MTA2: variants seen among roughly 807,000 people sequenced by gnomAD.
The protein encoded by MTA2 is metastasis associated 1 family member 2.
In MTA2, 22 loss-of-function variants were observed where a neutral mutation model predicts 87.1. The ratio of observed to expected loss-of-function variants is 0.25; its 90% confidence interval spans 0.18 to 0.36. MTA2 has a LOEUF of 0.36. Ranked by LOEUF, MTA2 falls within the 10% of genes least tolerant of loss-of-function variation. The probability of loss-of-function intolerance (pLI) is 1.00; values close to 1 mark genes in which losing one functional copy is unlikely to be tolerated. For missense variants in MTA2, 542 were observed against 853.2 expected (o/e 0.64, Z 4.54); for synonymous variants, 314 against 310.1 (o/e 1.01, Z -0.13).
At position 62,598,069 on chromosome 11, in the gene MTA2, C is replaced by A; in HGVS notation, c.445G>T (p.Val149Phe). 1.2e-6 allele frequency: 2 copies of A among 1,614,110 alleles called. No homozygotes were observed. Among genetic ancestry groups the A allele is most frequent in the Non-Finnish European group, 1.7e-6 (2 of 1,180,034 alleles). Residue 149 changes from valine to phenylalanine, a missense_variant, in exon 6 of 18, where the codon GTT becomes TTT. Physicochemically the swap from Val to Phe is conservative, Grantham distance 50. Around this residue, in one of 6 missense-constraint regions of MTA2, gnomAD observed 150 missense variants for 243.9 expected, o/e 0.62. Coordinates refer to ENST00000278823, the MANE Select transcript of MTA2 (RefSeq NM_004739.4). ...ATCTCAGCTTGGTATTTGCAACCAA[C>A]TCTAATCTCGCCCTGATCAGCGAGA... is the stretch of plus-strand genomic sequence containing the variant. ...TLLADQGEIR[V>F]GCKYQAEIPD... is the part of the protein sequence containing the mutation.
intron 8 of MTA2, 150 bp from the exon 9 acceptor site, chr11:62,596,975 G>A (rs1942107021): frequency 5.5e-6 from 4 of 733,412 alleles, no homozygotes; most frequent in African/African-American, 3.6e-5. Context: ...AGATCACGAG[G>A]TCAGGAGATC....
chr11:62,593,800 G>T lies in MTA2; in HGVS notation c.*75C>A. On this transcript the variant is annotated 3_prime_UTR_variant, in exon 18 of 18. Transcript: ENST00000278823. ...ATTCACTCCTCACTCCCTTCGACACGAAAGGGAAGGGAGGTTTGGGTGCCC... is the reference window on the plus strand; with the variant it reads ...ATTCACTCCTCACTCCCTTCGACACTAAAGGGAAGGGAGGTTTGGGTGCCC... The T allele has an allele frequency of 6.4e-7, 1 of 1,564,558 alleles. No individual in the cohort carries two copies. Among genetic ancestry groups the T allele is most frequent in the Non-Finnish European group, 8.8e-7 (1 of 1,141,620 alleles).
Position 62,598,506 on chromosome 11 carries a change from C to T in MTA2, c.308+16G>A, listed in dbSNP as rs1439276708. 6.2e-7 allele frequency: 1 copy of T among 1,612,684 alleles called. No homozygotes were observed. Among genetic ancestry groups the T allele is most frequent in the Non-Finnish European group, 8.5e-7 (1 of 1,178,754 alleles). The stretch of plus-strand genomic sequence containing the variant: ...GTAAGTGCACGCAGGCTATGCTGGC[C>T]CCAGTTGTCCTGTACCGTATGTGGG... On this transcript the variant is annotated intron_variant, in intron 4 of 17. Transcript: ENST00000278823.
chr11:62,600,710 G>A (rs1398851172), intron 1 of MTA2, 21 bp from the exon 2 acceptor site: 1 of 1,608,054 alleles, frequency 6.2e-7, no homozygotes, highest in Non-Finnish European at 8.5e-7. Context: ...AGGGAGGGGG[G>A]AGAACCACGA....
In MTA2 at chr11:62,601,210, G is replaced by A. The variant is rs1024562192; in HGVS notation, c.28+213C>T. On this transcript the variant is annotated intron_variant, in intron 1 of 17. Coordinates refer to ENST00000278823, the MANE Select transcript of MTA2 (RefSeq NM_004739.4). ...GACGCAGCCCCGAAAGTGCCGTCGG[G>A]GCTGCCCGCAGCTTCTCTCTGGGAG... The A allele has an allele frequency of 7.1e-5, 43 of 602,504 alleles. 1 individual carries two copies. Among genetic ancestry groups the A allele is most frequent in the South Asian group, 4.1e-4 (19 of 46,866 alleles). The allele number at this position is 602,504 out of a possible 1,614,324, so 37.3% of individuals were successfully genotyped here. A position where few individuals can be genotyped will look rare whatever the true frequency, so the allele number is the denominator to read the frequency against.
Position 62,595,557 on chromosome 11 carries a change from A to AT in MTA2, c.1255-66dup. The stretch of plus-strand genomic sequence containing the variant: ...GCACTGAGGCTCCCTTCTTTCTTCC[A>AT]TTCCCTGCAGGGGACAATTTATTCC... On this transcript the variant is annotated intron_variant, in intron 13 of 17. Transcript: ENST00000278823. This position sits in a 1 kb window ranked among gnomAD's most constrained non-coding sequence, Gnocchi z 4.9. 1 of 1,581,054 alleles carries AT rather than the reference A, an allele frequency of 6.3e-7. No individual in the cohort carries two copies. The highest frequency in any genetic ancestry group is 8.7e-7 in the Non-Finnish European group (1 of 1,154,644).
At position 62,595,585 on chromosome 11, in the gene MTA2, T is replaced by C. The variant is rs2134323445; in HGVS notation, c.1255-93A>G. The C allele has an allele frequency of 2.6e-6, 4 of 1,530,284 alleles. No individual in the cohort carries two copies. Among genetic ancestry groups the C allele is most frequent in the Non-Finnish European group, 3.6e-6 (4 of 1,120,070 alleles). 94.8% of individuals were successfully genotyped at this position (1,530,284 alleles called of 1,614,324 possible). A position where few individuals can be genotyped will look rare whatever the true frequency, so the allele number is the denominator to read the frequency against. On this transcript the variant is annotated intron_variant, in intron 13 of 17. Coordinates refer to ENST00000278823, the MANE Select transcript of MTA2 (RefSeq NM_004739.4). The surrounding 1 kb of genome is among the most constrained non-coding windows in gnomAD (Gnocchi z 4.9). ...CCCTGCAGGGGACAATTTATTCCTG[T>C]CTAATCTCTTTACTGACCTCTTGGC...
In MTA2 at chr11:62,593,927, G is replaced by C. The variant is rs771536567; in HGVS notation, c.1955C>G (p.Pro652Arg). ...LIAVRPPVPL[P>R]APSHPASTNE... ...GGTGCTGGCAGGATGTGAGGGTGCA[G>C]GTAGAGGGACAGGGGGCCGCACTGC... Residue 652 changes from proline (P) to arginine (R), a missense_variant, in exon 18 of 18, where the codon CCT becomes CGT. By Grantham distance (103) the Pro-to-Arg change is moderately radical (BLOSUM62 -2). Transcript: ENST00000278823. 6.2e-7 allele frequency: 1 copy of C among 1,614,232 alleles called. No homozygotes were observed. The highest frequency in any genetic ancestry group is 8.5e-7 in the Non-Finnish European group (1 of 1,180,042).
chr11:62,601,846 T>G lies in MTA2; in HGVS notation c.-396A>C. 1 of 493,226 alleles carries G rather than the reference T, an allele frequency of 2.0e-6. No individual in the cohort carries two copies. The highest frequency in any genetic ancestry group is 3.5e-6 in the Non-Finnish European group (1 of 282,634). The allele number at this position is 493,226 out of a possible 1,614,324, so 30.6% of individuals were successfully genotyped here. On this transcript the variant is annotated 5_prime_UTR_variant, in exon 1 of 18. Coordinates refer to ENST00000278823, the MANE Select transcript of MTA2 (RefSeq NM_004739.4). ...CTCCTTCCGGAACACCTTCGGCCGA[T>G]CCGGAGAACAAGGCCCACTGCTCGG...
chr11:62,595,244 C>G lies in MTA2; in HGVS notation c.1483+20G>C. ...AGCAATCCGAAACCCACCACCAGTC[C>G]CACCACTCCCTGCCCTTACACTCTG... On this transcript the variant is annotated intron_variant, in intron 14 of 17. Transcript: ENST00000278823. The surrounding 1 kb of genome is among the most constrained non-coding windows in gnomAD (Gnocchi z 4.9). 6.2e-7 allele frequency: 1 copy of G among 1,609,620 alleles called. No homozygotes were observed. The highest frequency in any genetic ancestry group is 8.5e-7 in the Non-Finnish European group (1 of 1,176,182).
At chr11:62,600,455 T>C in intron 2 of MTA2, 167 bp downstream of exon 2, 7 of 805,118 alleles carry the variant, frequency 8.7e-6, no homozygotes, top group Non-Finnish European at 1.4e-5. Flanking sequence ...AGAGACAGAA[T>C]AGTAAAGTTC....
chr11:62,597,529 A>T, intron 7 of MTA2, 81 bp downstream of exon 7: 1 of 1,502,832 alleles, frequency 6.7e-7, no homozygotes, highest in Non-Finnish European at 9.2e-7. Context: ...AAAGAAATAA[A>T]GTCCATCTCT....
At position 62,598,486 on chromosome 11, in the gene MTA2, T is replaced by C. The variant is rs765618032; in HGVS notation, c.308+36A>G. Reference sequence around the variant, plus strand: ...TCCTTCTCTCCATCTTCTACGTAAGTGCACGCAGGCTATGCTGGCCCCAGT... The same window carrying C: ...TCCTTCTCTCCATCTTCTACGTAAGCGCACGCAGGCTATGCTGGCCCCAGT... On this transcript the variant is annotated intron_variant, in intron 4 of 17. Coordinates refer to ENST00000278823, the MANE Select transcript of MTA2 (RefSeq NM_004739.4). 3.7e-6 allele frequency: 6 copies of C among 1,608,574 alleles called. No homozygotes were observed. In the Admixed American group the frequency reaches 6.7e-5, roughly 18 times the overall value.
In MTA2 at chr11:62,596,547, G is replaced by A; in HGVS notation, c.883-15C>T. 1.9e-6 allele frequency: 3 copies of A among 1,613,972 alleles called. No homozygotes were observed. In the South Asian group the frequency reaches 3.3e-5, roughly 18 times the overall value. On this transcript the variant is annotated splice_polypyrimidine_tract_variant and intron_variant, in intron 9 of 17. Coordinates refer to ENST00000278823, the MANE Select transcript of MTA2 (RefSeq NM_004739.4). ...TTCCAGGGTAGCTAAGGGGGGCAGA[G>A]GGAGGAAGAATGAGCTGGCATCTGG...
chr11:62,598,578 C>T lies in MTA2; in HGVS notation c.252G>A (p.Lys84=). The T allele has an allele frequency of 1.2e-6, 2 of 1,614,174 alleles. No individual in the cohort carries two copies. Among genetic ancestry groups the T allele is most frequent in the Non-Finnish European group, 8.5e-7 (1 of 1,180,038 alleles). The part of the protein sequence containing the change: ...GVSEQQRHQL[K]HRELFLSRQF... ...GCCGAGAAAGAAAAAGTTCCCGGTG[C>T]TTCAGTTGATGGCGCTGCTGCTCAG... The change falls in exon 4 of 18, where the codon AAG becomes AAA. Residue 84 remains lysine (K), a synonymous_variant. Transcript: ENST00000278823.
chr11:62,594,878 ATC>A, intron 15 of MTA2, 101 bp downstream of exon 15: 2 of 1,088,476 alleles, frequency 1.8e-6, no homozygotes, highest in African/African-American at 1.6e-5. Context: ...GTTAGACTAA[ATC>A]TCTGAGGACA....
chr11:62,597,961 A>G (rs1442449540), intron 6 of MTA2, 63 bp downstream of exon 6: 1 of 1,405,086 alleles, frequency 7.1e-7, no homozygotes, highest in Non-Finnish European at 1.0e-6. Flanking sequence ...AGAGACTATA[A>G]TGTTAAAGTG....
chr11:62,594,916 G>A (rs906317000), intron 15 of MTA2, 65 bp downstream of exon 15: 6 of 1,404,842 alleles, frequency 4.3e-6, no homozygotes, highest in Non-Finnish European at 6.0e-6. Context: ...AAAGCAAGGG[G>A]AGAGATGTCA....
chr11:62,598,413 C>T (rs567087481), intron 4 of MTA2, 23 bp from the exon 5 acceptor site: 2 of 1,612,578 alleles, frequency 1.2e-6, no homozygotes, highest in African/African-American at 1.3e-5. Flanking sequence ...GATTGGAAAA[C>T]CCCGGTGAGC....
Sources: gnomAD v4.1 joint callset for allele counts on GRCh38, gnomAD v4.1.1 for gene constraint, gnomAD v4.1.1 regional missense constraint, Gnocchi (gnomAD v3.1) non-coding constraint, MANE v1.5 for transcripts, NCBI Gene and HGNC (gene_info 2026-07-23, HGNC 2026-07-21) for gene names.